The following ZNHIT1 variants were observed in gnomAD, a reference collection of about 807,000 sequenced individuals.
ZNHIT1 encodes the protein zinc finger HIT-type containing 1, also known as zinc finger HIT domain-containing protein 1.
A neutral mutation model predicts 21.4 loss-of-function variants in ZNHIT1; 20 were observed. That is an observed-to-expected ratio of 0.93 (90% CI 0.66 to 1.36). The LOEUF (loss-of-function observed/expected upper bound fraction) is 1.36, where lower values mean the gene tolerates loss of function less well. Among genes scored for constraint, ZNHIT1 ranks in the 40% most tolerant of loss-of-function variants. The pLI is 0.00. For missense variants in ZNHIT1, 170 were observed against 213.5 expected (o/e 0.80, Z 1.27); for synonymous variants, 79 against 84.0 (o/e 0.94, Z 0.32).
In ZNHIT1 at chr7:101,224,135, C is replaced by T. The variant is rs1044511; in HGVS notation, c.*177C>T. 1.0e-6 allele frequency: 1 copy of T among 963,176 alleles called. No homozygotes were observed. Among genetic ancestry groups the T allele is most frequent in the Admixed American group, 2.5e-5 (1 of 40,100 alleles). The allele number at this position is 963,176 out of a possible 1,614,324, so 59.7% of individuals were successfully genotyped here. A position where few individuals can be genotyped will look rare whatever the true frequency, so the allele number is the denominator to read the frequency against. On this transcript the variant is annotated 3_prime_UTR_variant, in exon 5 of 5. Coordinates refer to ENST00000305105, the MANE Select transcript of ZNHIT1 (RefSeq NM_006349.3). Reference sequence around the variant, plus strand: ...GACCAGCCTCACTCCTGGGAACTGTCTGGCAGGTAGGCTGGGCCCCCCAGT... The same window carrying T: ...GACCAGCCTCACTCCTGGGAACTGTTTGGCAGGTAGGCTGGGCCCCCCAGT...
At chr7:101,222,972 A>G (rs1387133253) in intron 2 of ZNHIT1, among the ~76,000 whole-genome samples, 198 bp downstream of exon 2, 2 of 152,304 alleles carry the variant, frequency 1.3e-5, no homozygotes, top group East Asian at 3.9e-4. Flanking sequence ...GAGACTGGAT[A>G]AGCTCTGACA....
intron 2 of ZNHIT1, among the ~76,000 whole-genome samples, chr7:101,223,085 G>A (rs545695431): frequency 6.6e-5 from 10 of 152,286 alleles, no homozygotes; most frequent in African/African-American, 1.9e-4. Context: ...AGAGCCAGGA[G>A]GGCAGGGCCA....
Position 101,218,197 on chromosome 7 carries a change from T to TG in ZNHIT1, c.4dup (p.Val2?). ...TCTTCCGACAGTTGTGTTGTGCCAA[T>TG]GGTGGAGAAGAAAACTTCGGGTATG... On this transcript the variant is annotated frameshift_variant and start_lost, in exon 1 of 5. Coordinates refer to ENST00000305105, the MANE Select transcript of ZNHIT1 (RefSeq NM_006349.3). LOFTEE classifies it high-confidence loss of function. The TG allele has an allele frequency of 6.2e-7, 1 of 1,613,454 alleles. No individual in the cohort carries two copies. The highest frequency in any genetic ancestry group is 8.5e-7 in the Non-Finnish European group (1 of 1,179,518).
At chr7:101,222,889 C>T in intron 2 of ZNHIT1, 115 bp downstream of exon 2, 1 of 1,388,688 alleles carries the variant, frequency 7.2e-7, no homozygotes, top group Admixed American at 2.5e-5. Flanking sequence ...CAGTGACTGG[C>T]TCCCATGGCT....
Position 101,223,571 on chromosome 7 carries a change from G to C in ZNHIT1, c.273+15G>C. The C allele has an allele frequency of 6.2e-7, 1 of 1,614,168 alleles. No individual in the cohort carries two copies. ...TGGAGGAGCAGGTGAGAGGAGGGTC[G>C]GCCTGGGAGGACCCCACAGGGAAGG... On this transcript the variant is annotated intron_variant, in intron 3 of 4. Transcript: ENST00000305105.
At position 101,224,049 on chromosome 7, in the gene ZNHIT1, C is replaced by T; in HGVS notation, c.*91C>T. 2 of 1,593,622 alleles carry T rather than the reference C, an allele frequency of 1.3e-6. No homozygotes were observed. Among genetic ancestry groups the T allele is most frequent in the East Asian group, 2.2e-5 (1 of 44,778 alleles). The stretch of plus-strand genomic sequence containing the variant: ...ATCACCCAATGCAGGGGGAGCTCTT[C>T]CTGGACCAAGGGAGGAGCCGCTCAT... On this transcript the variant is annotated 3_prime_UTR_variant, in exon 5 of 5. Transcript: ENST00000305105.
At chr7:101,222,957 CAAGAGAGACTGGAT>C (rs2116823666) in intron 2 of ZNHIT1, among the ~76,000 whole-genome samples, 183 bp downstream of exon 2, 1 of 152,318 alleles carries the variant, frequency 6.6e-6, no homozygotes, top group Non-Finnish European at 1.5e-5. Context: ...GTGAAATAAA[CAAGAGAGACTGGAT>C]AAGCTCTGAC....
intron 3 of ZNHIT1, 28 bp downstream of exon 3, chr7:101,223,584 C>T: frequency 1.2e-6 from 2 of 1,614,142 alleles, no homozygotes; most frequent in Non-Finnish European, 1.7e-6. Context: ...CTGGGAGGAC[C>T]CCACAGGGAA....
rs1798384812 is a variant in ZNHIT1 at position 101,222,497 on chromosome 7, G to T, written c.23-107G>T. The T allele has an allele frequency of 2.2e-6, 3 of 1,348,492 alleles. No individual in the cohort carries two copies. In the East Asian group the frequency reaches 7.1e-5, roughly 32 times the overall value. The allele number at this position is 1,348,492 out of a possible 1,614,324, so 83.5% of individuals were successfully genotyped here. ...GGGCTTGGCAATGGGGATGAGATCA[G>T]AGAGCTGCAGCTTCCACCCCGGGTG... On this transcript the variant is annotated intron_variant, in intron 1 of 4. Coordinates refer to ENST00000305105, the MANE Select transcript of ZNHIT1 (RefSeq NM_006349.3).
Position 101,222,616 on chromosome 7 carries a change from AC to A in ZNHIT1, c.39del (p.Gln15SerfsTer79). ...CTGCTCCATCCAGTTCGCTCCCAGG[AC>A]CCCGGGCAGCGGCGGGTGCTGGACC... ...VEKKTSVRSQ[D>X]PGQRRVLDRA... is the part of the protein sequence containing the mutation. On this transcript the variant is annotated frameshift_variant, in exon 2 of 5. Transcript: ENST00000305105. LOFTEE classifies it high-confidence loss of function. 6.2e-7 allele frequency: 1 copy of A among 1,612,906 alleles called. No individual in the cohort carries two copies.
Position 101,218,230 on chromosome 7 carries a change from C to T in ZNHIT1, c.22+13C>T, listed in dbSNP as rs1798317041. The T allele has an allele frequency of 6.2e-7, 1 of 1,611,842 alleles. No individual in the cohort carries two copies. The highest frequency in any genetic ancestry group is 8.5e-7 in the Non-Finnish European group (1 of 1,178,896). Reference sequence around the variant, plus strand: ...AAGAAAACTTCGGGTATGTGAGCCCCCGCGGTTCGCCCCCTTCCCCTTCCC... The same window carrying T: ...AAGAAAACTTCGGGTATGTGAGCCCTCGCGGTTCGCCCCCTTCCCCTTCCC... On this transcript the variant is annotated intron_variant, in intron 1 of 4. Transcript: ENST00000305105.
At chr7:101,221,927 G>A (rs1798377212) in intron 1 of ZNHIT1, 1 of 152,188 alleles carries the variant, frequency 6.6e-6, no homozygotes, top group Non-Finnish European at 1.5e-5. Flanking sequence ...GTCAGATTTT[G>A]GGGTTCAAGG....
intron 1 of ZNHIT1, 82 bp from the exon 2 acceptor site, chr7:101,222,522 G>T: frequency 1.3e-6 from 2 of 1,484,928 alleles, no homozygotes; most frequent in South Asian, 1.3e-5. Flanking sequence ...CACCCCGGGT[G>T]CCTTCCTCGC....
intron 2 of ZNHIT1, 66 bp downstream of exon 2, chr7:101,222,840 C>A: frequency 6.4e-7 from 1 of 1,560,882 alleles, no homozygotes; most frequent in Non-Finnish European, 8.7e-7. Context: ...CCGCCCAACT[C>A]AGGCTGTGGG....
chr7:101,218,193 C>T lies in ZNHIT1; in HGVS notation c.-3C>T. Reference sequence around the variant, plus strand: ...AGTTTCTTCCGACAGTTGTGTTGTGCCAATGGTGGAGAAGAAAACTTCGGG... The same window carrying T: ...AGTTTCTTCCGACAGTTGTGTTGTGTCAATGGTGGAGAAGAAAACTTCGGG... On this transcript the variant is annotated 5_prime_UTR_variant, in exon 1 of 5. Transcript: ENST00000305105. 1 of 1,613,302 alleles carries T rather than the reference C, an allele frequency of 6.2e-7. No homozygotes were observed. Among genetic ancestry groups the T allele is most frequent in the Admixed American group, 1.7e-5 (1 of 59,882 alleles).
Position 101,223,714 on chromosome 7 carries a change from T to A in ZNHIT1, c.315T>A (p.Cys105Ter), listed in dbSNP as rs1159065488. The change falls in exon 4 of 5, where the codon TGT (cysteine) becomes TGA (stop). Residue 105 changes from cysteine to a stop codon, truncating the protein, a stop_gained. Coordinates refer to ENST00000305105, the MANE Select transcript of ZNHIT1 (RefSeq NM_006349.3). LOFTEE classifies it high-confidence loss of function. ...AGGGCCCTAACTACCTGACGGCCTGTGCGGGACCCCCATCGCGGCCCCAGC... is the reference window on the plus strand; with the variant it reads ...AGGGCCCTAACTACCTGACGGCCTGAGCGGGACCCCCATCGCGGCCCCAGC... ...VAEGPNYLTA[C>*]AGPPSRPQRP... 1 of 1,612,748 alleles carries A rather than the reference T, an allele frequency of 6.2e-7. No homozygotes were observed. Among genetic ancestry groups the A allele is most frequent in the African/African-American group, 1.3e-5 (1 of 74,886 alleles).
chr7:101,222,658 G>A lies in ZNHIT1; in HGVS notation c.77G>A (p.Arg26His), dbSNP rs764694500. The A allele has an allele frequency of 1.9e-6, 3 of 1,613,932 alleles. No individual in the cohort carries two copies. The highest frequency in any genetic ancestry group is 1.1e-5 in the South Asian group (1 of 91,078). Reference sequence around the variant, plus strand: ...GTGCTGGACCGGGCTGCCCGGCAGCGTCGCATCAACCGGCAGCTGGAGGCC... The same window carrying A: ...GTGCTGGACCGGGCTGCCCGGCAGCATCGCATCAACCGGCAGCTGGAGGCC... ...RRVLDRAARQ[R>H]RINRQLEALE... The change falls in exon 2 of 5, where the codon CGT (arginine) becomes CAT (histidine). Residue 26 changes from arginine (R) to histidine (H), a missense_variant. Transcript: ENST00000305105.
At chr7:101,218,315 C>A in intron 1 of ZNHIT1, 98 bp downstream of exon 1, 1 of 1,424,696 alleles carries the variant, frequency 7.0e-7, no homozygotes, top group Non-Finnish European at 9.7e-7. Context: ...GCTCTTTCGC[C>A]TAGGCTGGAG....
rs1376526325 is a variant in ZNHIT1 at position 101,223,936 on chromosome 7, G to A, written c.444-1G>A. On this transcript the variant is annotated splice_acceptor_variant, in intron 4 of 4. Coordinates refer to ENST00000305105, the MANE Select transcript of ZNHIT1 (RefSeq NM_006349.3). LOFTEE classifies it high-confidence loss of function. ...CATCCTGGCTTCCCCTCTGTCTGCAGGTGTCTGAAGTGGACTGTGTGAGCC... is the reference window on the plus strand; with the variant it reads ...CATCCTGGCTTCCCCTCTGTCTGCAAGTGTCTGAAGTGGACTGTGTGAGCC... 2 of 1,614,158 alleles carry A rather than the reference G, an allele frequency of 1.2e-6. No individual in the cohort carries two copies. The highest frequency in any genetic ancestry group is 2.2e-5 in the East Asian group (1 of 44,868).
Sources: gnomAD v4.1 joint callset for allele counts (sites outside exome capture counted in the v4.1 genomes callset) on GRCh38, gnomAD v4.1.1 for gene constraint, MANE v1.5 for transcripts, NCBI Gene and HGNC (gene_info 2026-07-23, HGNC 2026-07-21) for gene names.